Variants in SYTL3 observed in about 807,000 individuals in gnomAD.
The protein encoded by SYTL3 is synaptotagmin-like protein 3.
Under a neutral mutation model 82.1 loss-of-function variants are expected in SYTL3, and 88 were observed. That is an observed-to-expected ratio of 1.07 (90% CI 0.90 to 1.28). The LOEUF (loss-of-function observed/expected upper bound fraction) is 1.28. Among genes scored for constraint, SYTL3 ranks in the 50% most tolerant of loss-of-function variants. SYTL3 has a pLI of 0.00. For missense variants in SYTL3, 831 were observed against 757.6 expected, an observed-to-expected ratio of 1.10 and a Z score of -1.14; for synonymous variants, 311 against 289.4, an observed-to-expected ratio of 1.07 and a Z score of -0.76.
intron 11 of SYTL3, among the ~76,000 whole-genome samples, chr6:158,729,756 C>T (rs898575992): frequency 1.3e-5 from 2 of 151,810 alleles, no homozygotes; most frequent in Non-Finnish European, 2.9e-5. Flanking sequence ...TTAGTAGAGA[C>T]AGGGTTTCAC....
rs566282330 is a variant in SYTL3, at chr6:158,701,508, T to C, written c.395-5722T>C. On this transcript the variant is annotated intron_variant, in intron 6 of 17. Coordinates refer to ENST00000611299, the MANE Select transcript of SYTL3 (RefSeq NM_001242394.2). Reference sequence around the variant, plus strand: ...GGGAGGAGCCATGGGGAGAGGGTCATGGAGGAGTGTGAGCTGGGGTGTAGA... The same window carrying C: ...GGGAGGAGCCATGGGGAGAGGGTCACGGAGGAGTGTGAGCTGGGGTGTAGA... 3.0e-4 allele frequency among the ~76,000 whole-genome samples: 33 copies of C among 111,120 alleles called. 1 individual carries two copies. Among genetic ancestry groups the C allele is most frequent in the African/African-American group, 1.2e-3 (33 of 26,408 alleles). The allele number at this position is 111,120 out of a possible 152,430, so 72.9% of individuals were successfully genotyped here. A position where few individuals can be genotyped will look rare whatever the true frequency, so the allele number is the denominator to read the frequency against.
intron 6 of SYTL3, among the ~76,000 whole-genome samples, chr6:158,701,542 T>C (rs1376682139): frequency 1.9e-5 from 2 of 107,146 alleles, no homozygotes; most frequent in Non-Finnish European, 3.6e-5. Context: ...GATGAAGAGC[T>C]GTTCTGGGGG....
intron 11 of SYTL3, among the ~76,000 whole-genome samples, chr6:158,744,599 G>C (rs912816446): frequency 1.3e-5 from 2 of 152,098 alleles, no homozygotes; most frequent in Non-Finnish European, 2.9e-5. Flanking sequence ...GATTACAGGC[G>C]TGAGCCACTG....
intron 2 of SYTL3, among the ~76,000 whole-genome samples, chr6:158,656,076 A>G (rs1263389763): frequency 6.6e-6 from 1 of 152,186 alleles, no homozygotes; most frequent in East Asian, 1.9e-4. Context: ...CCTGTGCTTT[A>G]GAATGTGTTT....
chr6:158,673,385 T>A (rs1275686637), intron 5 of SYTL3, among the ~76,000 whole-genome samples: 3 of 152,074 alleles, frequency 2.0e-5, no homozygotes, highest in Non-Finnish European at 2.9e-5. Flanking sequence ...CTCAGTCAAG[T>A]CTGATTGTTC....
chr6:158,663,012 C>T lies in SYTL3; in HGVS notation c.-257C>T, dbSNP rs1474620491. 5.5e-6 allele frequency: 2 copies of T among 363,620 alleles called. No homozygotes were observed. The highest frequency in any genetic ancestry group is 5.0e-6 in the Non-Finnish European group (1 of 200,236). The allele number at this position is 363,620 out of a possible 1,614,324, so 22.5% of individuals were successfully genotyped here. A position where few individuals can be genotyped will look rare whatever the true frequency, so the allele number is the denominator to read the frequency against. Reference sequence around the variant, plus strand: ...CTGCTGCAGAACCCGGTGAAAACACCCCCCGGGTAGCACGAGGCTCTGCGA... The same window carrying T: ...CTGCTGCAGAACCCGGTGAAAACACTCCCCGGGTAGCACGAGGCTCTGCGA... On this transcript the variant is annotated 5_prime_UTR_variant, in exon 4 of 18. Transcript: ENST00000611299.
At chr6:158,693,697 T>TTTTCTTTCTTTCCTTCTTTC (rs1562383788) in intron 6 of SYTL3, among the ~76,000 whole-genome samples, 3 of 130,566 alleles carry the variant, frequency 2.3e-5, no homozygotes, top group Admixed American at 7.1e-5. Flanking sequence ...TTTCTTTTCG[T>TTTTCTTTCTTTCCTTCTTTC]TTTCTTTCTT....
intron 8 of SYTL3, among the ~76,000 whole-genome samples, chr6:158,709,307 C>T (rs1011357495): frequency 3.9e-5 from 6 of 152,130 alleles, no homozygotes; most frequent in Admixed American, 6.5e-5. Context: ...AAAAGTGCTC[C>T]GAACACTTGC....
intron 6 of SYTL3, among the ~76,000 whole-genome samples, chr6:158,698,863 C>T (rs555556587): frequency 5.3e-5 from 8 of 152,178 alleles, no homozygotes; most frequent in Non-Finnish European, 1.0e-4. Flanking sequence ...CCCATGGAGG[C>T]TCCGTTTAGA....
At chr6:158,659,481 G>A (rs1235054116) in intron 2 of SYTL3, among the ~76,000 whole-genome samples, 2 of 152,068 alleles carry the variant, frequency 1.3e-5, no homozygotes, top group African/African-American at 4.8e-5. Context: ...TCAGCCTCCC[G>A]AGTAGCTGAG....
At chr6:158,670,596 A>T (rs898113696) in intron 5 of SYTL3, among the ~76,000 whole-genome samples, 9 of 152,090 alleles carry the variant, frequency 5.9e-5, no homozygotes, top group Non-Finnish European at 1.3e-4. Flanking sequence ...AGCCTGGCCA[A>T]CATGGTGAAA....
At chr6:158,757,852 G>C (rs1789348014) in intron 14 of SYTL3, among the ~76,000 whole-genome samples, 1 of 152,220 alleles carries the variant, frequency 6.6e-6, no homozygotes, top group Non-Finnish European at 1.5e-5. Flanking sequence ...ACCCGATGCT[G>C]TGAGGAAGGC....
At chr6:158,741,749 C>G (rs1319700139) in intron 11 of SYTL3, among the ~76,000 whole-genome samples, 1 of 152,116 alleles carries the variant, frequency 6.6e-6, no homozygotes, top group Non-Finnish European at 1.5e-5. Context: ...AGAAGACAAC[C>G]CTTCAAAATG....
intron 6 of SYTL3, among the ~76,000 whole-genome samples, chr6:158,705,845 C>T (rs554151230): frequency 1.3e-5 from 2 of 152,220 alleles, no homozygotes; most frequent in South Asian, 2.1e-4. Context: ...GGTATATTGC[C>T]GCCCGCAGAC....
chr6:158,724,089 C>G (rs1784433944), intron 10 of SYTL3, among the ~76,000 whole-genome samples: 1 of 152,172 alleles, frequency 6.6e-6, no homozygotes, highest in Non-Finnish European at 1.5e-5. Flanking sequence ...AGAAACTGTC[C>G]CTGGCCTCTT....
chr6:158,746,503 T>C (rs1483823970), intron 12 of SYTL3, among the ~76,000 whole-genome samples: 2 of 146,358 alleles, frequency 1.4e-5, no homozygotes, highest in African/African-American at 5.0e-5. Flanking sequence ...TCTTGCTCTG[T>C]CACCCAGACT....
intron 2 of SYTL3, among the ~76,000 whole-genome samples, chr6:158,660,139 C>T (rs1789194603): frequency 2.0e-5 from 3 of 152,130 alleles, no homozygotes; most frequent in South Asian, 2.1e-4. Context: ...GTGGCGGGCA[C>T]CTGTAATCCC....
chr6:158,705,814 C>T (rs1782022719), intron 6 of SYTL3, among the ~76,000 whole-genome samples: 1 of 152,058 alleles, frequency 6.6e-6, no homozygotes, highest in Non-Finnish European at 1.5e-5. Context: ...GCAGGGGGAT[C>T]CAGAGACAGG....
intron 6 of SYTL3, among the ~76,000 whole-genome samples, chr6:158,704,634 C>A (rs992998605): frequency 6.6e-6 from 1 of 152,238 alleles, no homozygotes; most frequent in Non-Finnish European, 1.5e-5. Context: ...GGCCTGCAGG[C>A]GGAGGGGTGA....
Sources: gnomAD v4.1 joint callset for allele counts (sites outside exome capture counted in the v4.1 genomes callset) on GRCh38, gnomAD v4.1.1 for gene constraint, MANE v1.5 for transcripts, NCBI Gene and HGNC (gene_info 2026-07-23, HGNC 2026-07-21) for gene names.